The following CTBP2 variants were observed in gnomAD, a reference collection of about 807,000 sequenced individuals.
CTBP2 encodes the protein C-terminal binding protein 2, also known as C-terminal-binding protein 2.
CTBP2 carries 30 observed loss-of-function variants against 80.3 expected under a neutral mutation model. That is an observed-to-expected ratio of 0.37 (90% CI 0.28 to 0.51). The LOEUF is 0.51. CTBP2 is among the 20% of genes least tolerant of loss of function. CTBP2 has a pLI of 0.93. For synonymous variants in CTBP2, 594 were observed against 587.4 expected (o/e 1.01, Z -0.16); for missense variants, 1,212 against 1,375.3 (o/e 0.88, Z 1.88).
chr10:124,993,077 A>T (rs962994917), intron 7 of CTBP2, 125 bp downstream of exon 9: 2 of 1,218,234 alleles, frequency 1.6e-6, no homozygotes, highest in Non-Finnish European at 2.2e-6. Context: ...GGCCCAACTC[A>T]TATAAATTTG....
intron 1 of CTBP2, among the ~76,000 whole-genome samples, chr10:125,006,509 T>C (rs1955261536): frequency 6.6e-6 from 1 of 152,210 alleles, no homozygotes; most frequent in Non-Finnish European, 1.5e-5. Context: ...GAATCTGGAC[T>C]GAAATTCAAG....
intron 2 of CTBP2, among the ~76,000 whole-genome samples, chr10:125,065,882 T>A (rs1372474570): frequency 6.6e-6 from 1 of 152,088 alleles, no homozygotes; most frequent in Non-Finnish European, 1.5e-5. Flanking sequence ...GGCGGATAGC[T>A]TGAGCCTAGG....
Position 124,987,374 on chromosome 10 carries a change from A to ATG in CTBP2, c.*2143_*2144insCA, listed in dbSNP as rs1952079247. The ATG allele has an allele frequency of 6.6e-6, 1 of 151,594 alleles. No individual in the cohort carries two copies. Among genetic ancestry groups the ATG allele is most frequent in the African/African-American group, 2.4e-5 (1 of 41,220 alleles). The allele number at this position is 151,594 out of a possible 1,614,324, so 9.4% of individuals were successfully genotyped here. A position where few individuals can be genotyped will look rare whatever the true frequency, so the allele number is the denominator to read the frequency against. On this transcript the variant is annotated 3_prime_UTR_variant, in exon 9 of 9. Coordinates refer to ENST00000309035, the MANE Select transcript of CTBP2 (RefSeq NM_022802.3). ...CTTGGGGTCAAATTTATATATATAT[A>ATG]TATAAATTTTTGTTTGGGCGACCAA...
At chr10:125,017,262 A>G (rs1405303188) in intron 1 of CTBP2, among the ~76,000 whole-genome samples, 1 of 152,204 alleles carries the variant, frequency 6.6e-6, no homozygotes, top group East Asian at 1.9e-4. Context: ...GCAGGGAGGT[A>G]ATGCCAGAAA....
upstream of CTBP2, chr10:125,032,906 TAAGCTAGGCA>T (rs956825706): frequency 1.9e-5 from 3 of 154,760 alleles, no homozygotes; most frequent in African/African-American, 7.2e-5. Context: ...TGGTAGGCAC[TAAGCTAGGCA>T]AAGCACCCAC....
intron 1 of CTBP2, among the ~76,000 whole-genome samples, chr10:125,135,474 C>G (rs1856841531): frequency 6.6e-6 from 1 of 152,214 alleles, no homozygotes. Flanking sequence ...ATCCCCCACC[C>G]AGGCAGGAAG....
At chr10:125,087,966 G>A (rs1590681481) in intron 2 of CTBP2, among the ~76,000 whole-genome samples, 2 of 152,068 alleles carry the variant, frequency 1.3e-5, no homozygotes, top group Non-Finnish European at 2.9e-5. Flanking sequence ...CAGCAGCCTC[G>A]GGTGCCTGAG....
At chr10:125,128,543 G>T (rs754019932) in intron 1 of CTBP2, among the ~76,000 whole-genome samples, 11 of 152,122 alleles carry the variant, frequency 7.2e-5, no homozygotes, top group African/African-American at 2.4e-4. Context: ...CACAGCCCAC[G>T]CCCAGCAGAG....
At chr10:125,041,020 T>C (rs571021975) in intron 2 of CTBP2, among the ~76,000 whole-genome samples, 1 of 152,370 alleles carries the variant, frequency 6.6e-6, no homozygotes, top group African/African-American at 2.4e-5. Context: ...TGTCATAGAA[T>C]GTGTGGGGTT....
chr10:125,010,797 T>C (rs1320911461), intron 1 of CTBP2, among the ~76,000 whole-genome samples: 1 of 152,168 alleles, frequency 6.6e-6, no homozygotes, highest in Non-Finnish European at 1.5e-5. Flanking sequence ...GCACACCTTC[T>C]AAACTTAGAA....
At position 124,987,359 on chromosome 10, in the gene CTBP2, A is replaced by C. The variant is rs921304432; in HGVS notation, c.*2159T>G. 1.4e-5 allele frequency: 2 copies of C among 143,564 alleles called. No homozygotes were observed. The highest frequency in any genetic ancestry group is 3.0e-5 in the Non-Finnish European group (2 of 66,342). The allele number at this position is 143,564 out of a possible 1,614,324, so 8.9% of individuals were successfully genotyped here. On this transcript the variant is annotated 3_prime_UTR_variant, in exon 9 of 9. Coordinates refer to ENST00000309035, the MANE Select transcript of CTBP2 (RefSeq NM_022802.3). ...TTTGACTTGTTCTTCCTTGGGGTCA[A>C]ATTTATATATATATATATAAATTTT...
chr10:125,025,364 C>A (rs956009622), intron 1 of CTBP2, among the ~76,000 whole-genome samples: 4 of 152,230 alleles, frequency 2.6e-5, no homozygotes, highest in Non-Finnish European at 5.9e-5. Context: ...ATAAATCACA[C>A]CTGGCACATG....
At chr10:125,015,534 A>C (rs1363517535) in intron 1 of CTBP2, among the ~76,000 whole-genome samples, 1 of 151,622 alleles carries the variant, frequency 6.6e-6, no homozygotes. Flanking sequence ...CCCTCCGTCC[A>C]CTCCCGGTCT....
intron 2 of CTBP2, 50 bp from the exon 5 acceptor site, chr10:125,003,154 C>T (rs376730588): frequency 4.6e-5 from 74 of 1,609,884 alleles, no homozygotes; most frequent in East Asian, 1.6e-4. Context: ...TGCAGCCCAC[C>T]GGCACCACTT....
At chr10:124,995,243 G>A (rs1953313737) in intron 4 of CTBP2, among the ~76,000 whole-genome samples, 1 of 152,192 alleles carries the variant, frequency 6.6e-6, no homozygotes, top group Non-Finnish European at 1.5e-5. Flanking sequence ...GGGAGGCAGG[G>A]CACATGACCA....
At chr10:125,060,528 C>A (rs572578668) in intron 2 of CTBP2, among the ~76,000 whole-genome samples, 1 of 151,188 alleles carries the variant, frequency 6.6e-6, no homozygotes, top group African/African-American at 2.4e-5. Flanking sequence ...TGCGGCTTAC[C>A]TGCAACACTG....
At chr10:125,127,558 G>A (rs1855483261) in intron 1 of CTBP2, among the ~76,000 whole-genome samples, 1 of 152,168 alleles carries the variant, frequency 6.6e-6, no homozygotes, top group Admixed American at 6.5e-5. Context: ...CTAAATCAAA[G>A]GGTATCCCTA....
chr10:124,989,189 C>T lies in CTBP2; in HGVS notation c.*329G>A, dbSNP rs1197384563. On this transcript the variant is annotated 3_prime_UTR_variant, in exon 9 of 9. Coordinates refer to ENST00000309035, the MANE Select transcript of CTBP2 (RefSeq NM_022802.3). ...GAACTCTTGATGCAACATTGTAGAG[C>T]AGGGTGTTCAGGACCTGCTGTGCCC... is the stretch of plus-strand genomic sequence containing the variant. The T allele has an allele frequency of 3.3e-6, 1 of 302,610 alleles. No homozygotes were observed. The highest frequency in any genetic ancestry group is 6.3e-6 in the Non-Finnish European group (1 of 158,236). The allele number at this position is 302,610 out of a possible 1,614,324, so 18.7% of individuals were successfully genotyped here. A position where few individuals can be genotyped will look rare whatever the true frequency, so the allele number is the denominator to read the frequency against.
rs551946946 is a variant in CTBP2, at chr10:125,140,680, G to T, written c.-206+19639C>A. Among the ~76,000 whole-genome samples, 342 of 151,642 alleles carry T rather than the reference G, an allele frequency of 2.3e-3. 2 individuals carry two copies. The highest frequency in any genetic ancestry group is 7.8e-3 in the African/African-American group (324 of 41,308). Reference sequence around the variant, plus strand: ...TCTACAAAAAATATAAAAATTAGCTGGACATGGTGGTGGGTGCCTATCATC... The same window carrying T: ...TCTACAAAAAATATAAAAATTAGCTTGACATGGTGGTGGGTGCCTATCATC... On this transcript the variant is annotated intron_variant, in intron 1 of 10. Transcript: ENST00000337195.
Sources: allele counts gnomAD v4.1 joint callset (sites outside exome capture counted in the v4.1 genomes callset), GRCh38; gene constraint gnomAD v4.1.1; transcripts MANE v1.5; gene names NCBI Gene and HGNC (gene_info 2026-07-23, HGNC 2026-07-21).